Variants in ADGRB3 observed in about 807,000 individuals in gnomAD.
The protein encoded by ADGRB3 is adhesion G protein-coupled receptor B3, also known as brain-specific angiogenesis inhibitor 3.
ADGRB3 carries 37 observed loss-of-function variants against 193.4 expected under a neutral mutation model. That is an observed-to-expected ratio of 0.19 (90% confidence interval 0.15 to 0.25). The LOEUF is 0.25. Ranked by LOEUF, ADGRB3 falls within the 10% of genes least tolerant of loss-of-function variation. The pLI, the probability that ADGRB3 is intolerant of heterozygous loss-of-function variation, is 1.00. For missense variants in ADGRB3, 1,637 were observed against 1,852.9 expected, an observed-to-expected ratio of 0.88 and a Z score of 2.14; for synonymous variants, 690 against 644.2, an observed-to-expected ratio of 1.07 and a Z score of -1.08.
intron 17 of ADGRB3, among the ~76,000 whole-genome samples, chr6:69,162,648 G>T (rs949252011): frequency 6.6e-6 from 1 of 152,036 alleles, no homozygotes; most frequent in Non-Finnish European, 1.5e-5. Flanking sequence ...ACTTAAAGGT[G>T]CCAAGAGAAT....
At chr6:68,847,135 C>T (rs1025867956) in intron 3 of ADGRB3, among the ~76,000 whole-genome samples, 3 of 152,130 alleles carry the variant, frequency 2.0e-5, no homozygotes, top group African/African-American at 4.8e-5. Flanking sequence ...TTTATTTTGG[C>T]CAATTTCTCC....
intron 3 of ADGRB3, among the ~76,000 whole-genome samples, chr6:68,837,940 T>G (rs1768076098): frequency 6.6e-6 from 1 of 152,178 alleles, no homozygotes; most frequent in African/African-American, 2.4e-5. Flanking sequence ...CCATCAAAGT[T>G]AACTTCCAAG....
intron 20 of ADGRB3, among the ~76,000 whole-genome samples, chr6:69,250,680 C>G (rs976287393): frequency 6.6e-6 from 1 of 152,180 alleles, no homozygotes; most frequent in Non-Finnish European, 1.5e-5. Flanking sequence ...CTGCTGTAAA[C>G]TGACTCATCA....
intron 2 of ADGRB3, among the ~76,000 whole-genome samples, chr6:68,637,778 C>T (rs1018626932): frequency 6.7e-6 from 1 of 149,242 alleles, no homozygotes; most frequent in African/African-American, 2.5e-5. Context: ...AAGACTGAAA[C>T]CAGCTCAATT....
At chr6:68,637,801 GAT>G (rs1767991238) in intron 2 of ADGRB3, among the ~76,000 whole-genome samples, 1 of 101,748 alleles carries the variant, frequency 9.8e-6, no homozygotes, top group African/African-American at 4.4e-5. Context: ...TATGGTTCTG[GAT>G]TTTTTTTTTT....
intron 3 of ADGRB3, among the ~76,000 whole-genome samples, chr6:68,909,530 A>G (rs1017435925): frequency 3.9e-5 from 6 of 152,220 alleles, no homozygotes; most frequent in Non-Finnish European, 8.8e-5. Context: ...CTACTAAGGC[A>G]TAGTGGCATA....
At chr6:68,972,975 G>T (rs552914311) in intron 8 of ADGRB3, among the ~76,000 whole-genome samples, 1 of 152,158 alleles carries the variant, frequency 6.6e-6, no homozygotes, top group Non-Finnish European at 1.5e-5. Context: ...GTTAGGAGGA[G>T]ACAGCTTATG....
chr6:68,886,993 A>T (rs1240138022), intron 3 of ADGRB3, among the ~76,000 whole-genome samples: 1 of 151,770 alleles, frequency 6.6e-6, no homozygotes, highest in Non-Finnish European at 1.5e-5. Flanking sequence ...TTATAAATAC[A>T]ATTATCTAAT....
chr6:69,145,078 C>A (rs938086978), intron 17 of ADGRB3, among the ~76,000 whole-genome samples: 2 of 152,154 alleles, frequency 1.3e-5, no homozygotes, highest in African/African-American at 2.4e-5. Flanking sequence ...CATTAGCCAG[C>A]AACCTCTGTG....
chr6:69,063,112 C>A (rs1318109956), intron 16 of ADGRB3, 76 bp downstream of exon 16: 2 of 1,088,838 alleles, frequency 1.8e-6, no homozygotes, highest in Middle Eastern at 4.0e-4. Flanking sequence ...CTGATAACAC[C>A]AGAATACATT....
intron 20 of ADGRB3, among the ~76,000 whole-genome samples, chr6:69,303,678 AT>A (rs1156430052): frequency 1.3e-5 from 2 of 151,934 alleles, no homozygotes; most frequent in East Asian, 1.9e-4. Flanking sequence ...TAAAAAAAAA[AT>A]TTTTTGCTCA....
At chr6:68,746,351 T>A (rs949737422) in intron 3 of ADGRB3, among the ~76,000 whole-genome samples, 1 of 152,060 alleles carries the variant, frequency 6.6e-6, no homozygotes, top group Admixed American at 6.6e-5. Context: ...CTTAATTTAC[T>A]TATCCCTTTT....
intron 26 of ADGRB3, among the ~76,000 whole-genome samples, chr6:69,348,417 C>T (rs1391891738): frequency 7.0e-6 from 1 of 143,290 alleles, no homozygotes; most frequent in Non-Finnish European, 1.5e-5. Flanking sequence ...GAGGCTGAGG[C>T]GGGTGGATCA....
At chr6:68,706,079 A>G (rs542817859) in intron 3 of ADGRB3, among the ~76,000 whole-genome samples, 2 of 152,302 alleles carry the variant, frequency 1.3e-5, no homozygotes, top group Admixed American at 1.3e-4. Flanking sequence ...AGATGATGCA[A>G]AGGTTGTCAC....
intron 3 of ADGRB3, among the ~76,000 whole-genome samples, chr6:68,796,823 T>C (rs1407929538): frequency 6.6e-6 from 1 of 152,158 alleles, no homozygotes; most frequent in Non-Finnish European, 1.5e-5. Flanking sequence ...GTAGCCTTTG[T>C]GGAGGAAAAT....
chr6:69,156,902 A>G (rs1467042072), intron 17 of ADGRB3, among the ~76,000 whole-genome samples: 1 of 152,192 alleles, frequency 6.6e-6, no homozygotes, highest in Non-Finnish European at 1.5e-5. Flanking sequence ...TCACAACTTG[A>G]TCAAGCTGAT....
intron 30 of ADGRB3, among the ~76,000 whole-genome samples, chr6:69,380,121 C>T (rs927597288): frequency 2.6e-5 from 4 of 151,854 alleles, no homozygotes; most frequent in Non-Finnish European, 4.4e-5. Flanking sequence ...ATTATAAAAC[C>T]TCCAATCAGC....
At position 68,817,323 on chromosome 6, in the gene ADGRB3, A is replaced by G. The variant is rs1275223849; in HGVS notation, c.758-113236A>G. ...TTTGTCCATGTATATATATATATAT[A>G]TATATATATATATATATATATATAT... On this transcript the variant is annotated intron_variant, in intron 3 of 31. Transcript: ENST00000370598. 1.0e-3 allele frequency among the ~76,000 whole-genome samples: 77 copies of G among 75,204 alleles called. 4 individuals are homozygous for G. Among genetic ancestry groups the G allele is most frequent in the Admixed American group, 1.3e-3 (11 of 8,788 alleles). 49.3% of individuals were successfully genotyped at this position (75,204 alleles called of 152,430 possible). A position where few individuals can be genotyped will look rare whatever the true frequency, so the allele number is the denominator to read the frequency against.
chr6:68,862,500 T>C (rs1361936913), intron 3 of ADGRB3, among the ~76,000 whole-genome samples: 5 of 152,218 alleles, frequency 3.3e-5, no homozygotes, highest in African/African-American at 4.8e-5. Flanking sequence ...GCAATCTTCA[T>C]AGTGATTTTG....
Sources: gnomAD v4.1 joint callset for allele counts (sites outside exome capture counted in the v4.1 genomes callset) on GRCh38, gnomAD v4.1.1 for gene constraint, MANE v1.5 for transcripts, NCBI Gene and HGNC (gene_info 2026-07-23, HGNC 2026-07-21) for gene names.